The following GPBP1 variants were observed in gnomAD, a reference collection of about 807,000 sequenced individuals.
The protein encoded by GPBP1 is vasculin.
Under a neutral mutation model 56.5 loss-of-function variants are expected in GPBP1, and 13 were observed. That is an observed-to-expected ratio of 0.23 (90% CI 0.15 to 0.37). The LOEUF is 0.37. Ranked by LOEUF, GPBP1 falls within the 10% of genes least tolerant of loss-of-function variation. The pLI, the probability that GPBP1 is intolerant of heterozygous loss-of-function variation, is 1.00. For missense variants in GPBP1, 477 were observed against 572.3 expected (o/e 0.83, Z 1.70); for synonymous variants, 204 against 188.9 (o/e 1.08, Z -0.66).
chr5:57,229,941 GCGTCCCGTCCCGTCC>G (rs112231997), intron 3 of GPBP1, among the ~76,000 whole-genome samples: 74 of 146,182 alleles, frequency 5.1e-4, no homozygotes, highest in African/African-American at 1.6e-3. Flanking sequence ...GCATCGCATC[GCGTCCCGTCCCGTCC>G]CGTCCCGTCC....
chr5:57,232,212 T>C (rs1160339303), intron 5 of GPBP1, among the ~76,000 whole-genome samples: 3 of 152,146 alleles, frequency 2.0e-5, no homozygotes, highest in Non-Finnish European at 4.4e-5. Context: ...GGTCTTGAAC[T>C]TCTGGCCTCA....
rs1338279704 is a variant in GPBP1 at position 57,247,082 on chromosome 5, A to C, written c.671A>C (p.Gln224Pro). 1 of 1,612,620 alleles carries C rather than the reference A, an allele frequency of 6.2e-7. No homozygotes were observed. The highest frequency in any genetic ancestry group is 1.3e-5 in the African/African-American group (1 of 74,812). Reference sequence around the variant, plus strand: ...TTGTGTGTTTTTCTTTAGCCTACACAATGGAAAAGCCAAACAAAAGAAAAT... The same window carrying C: ...TTGTGTGTTTTTCTTTAGCCTACACCATGGAAAAGCCAAACAAAAGAAAAT... ...KPAAPPTKPT[Q>P]WKSQTKENKV... Residue 224 changes from glutamine to proline, a missense_variant, in exon 8 of 12, where the codon CAA (glutamine) becomes CCA (proline). Around this residue, in one of 2 missense-constraint regions of GPBP1, gnomAD observed 414 missense variants for 458.2 expected, o/e 0.90. Transcript: ENST00000506184.
At chr5:57,190,539 A>G (rs1237161572) in intron 2 of GPBP1, among the ~76,000 whole-genome samples, 1 of 151,362 alleles carries the variant, frequency 6.6e-6, no homozygotes, top group African/African-American at 2.4e-5. Context: ...AGCTGAGATC[A>G]CGCCACTGCA....
At chr5:57,222,078 T>TA (rs1292098672) in intron 3 of GPBP1, among the ~76,000 whole-genome samples, 1 of 152,142 alleles carries the variant, frequency 6.6e-6, no homozygotes, top group East Asian at 1.9e-4. Context: ...AGGGTCTCAC[T>TA]ATGTTGCCCA....
At chr5:57,179,888 G>A (rs973024430) in intron 2 of GPBP1, among the ~76,000 whole-genome samples, 1 of 151,764 alleles carries the variant, frequency 6.6e-6, no homozygotes, top group Admixed American at 6.6e-5. Context: ...AGAGCCACTG[G>A]GCCCGGCCCC....
rs532683248 is a variant in GPBP1 at position 57,211,979 on chromosome 5, C to T, written c.-57-2095C>T. Among the ~76,000 whole-genome samples the T allele has an allele frequency of 7.9e-5, 12 of 151,970 alleles. No homozygotes were observed. In the East Asian group the frequency reaches 1.9e-3, roughly 24 times the overall value. On this transcript the variant is annotated intron_variant, in intron 2 of 11. Coordinates refer to ENST00000506184, the MANE Select transcript of GPBP1 (RefSeq NM_022913.4). Reference sequence around the variant, plus strand: ...TGAGACAGAGTCTTCCTCTGTCATCCAGGCTAGAGGGCAGTGGCGCGATCT... The same window carrying T: ...TGAGACAGAGTCTTCCTCTGTCATCTAGGCTAGAGGGCAGTGGCGCGATCT...
rs187368411 is a variant in GPBP1, at chr5:57,255,014, A to G, written c.1160+3873A>G. Among the ~76,000 whole-genome samples the G allele has an allele frequency of 5.8e-3, 880 of 152,360 alleles. 3 individuals are homozygous for G. Among genetic ancestry groups the G allele is most frequent in the Non-Finnish European group, 8.2e-3 (557 of 68,032 alleles). On this transcript the variant is annotated intron_variant, in intron 10 of 11. Coordinates refer to ENST00000506184, the MANE Select transcript of GPBP1 (RefSeq NM_022913.4). The stretch of plus-strand genomic sequence containing the variant: ...CAAATACAGAAAAAATTTAGCAAAC[A>G]TGAATTCTTTTTTAAAAAGATTAAC...
At chr5:57,243,172 G>T (rs1740914737) in intron 6 of GPBP1, among the ~76,000 whole-genome samples, 1 of 151,004 alleles carries the variant, frequency 6.6e-6, no homozygotes, top group African/African-American at 2.4e-5. Context: ...GGTTCAAGCA[G>T]TTCTCTGCCT....
chr5:57,210,550 G>A (rs533278013), intron 2 of GPBP1, among the ~76,000 whole-genome samples: 1 of 152,276 alleles, frequency 6.6e-6, no homozygotes, highest in Admixed American at 6.5e-5. Context: ...TTTTGAGGGG[G>A]AGGGTAGTTG....
chr5:57,177,856 T>C (rs1237218538), intron 2 of GPBP1, among the ~76,000 whole-genome samples: 6 of 151,974 alleles, frequency 3.9e-5, no homozygotes, highest in Non-Finnish European at 8.8e-5. Flanking sequence ...AACTTGTCAG[T>C]TGCTTATTTT....
chr5:57,243,734 C>T (rs1251630828), intron 6 of GPBP1, among the ~76,000 whole-genome samples: 2 of 151,700 alleles, frequency 1.3e-5, no homozygotes, highest in East Asian at 3.9e-4. Context: ...GTGGCCCAGA[C>T]TGGAGTACAG....
At chr5:57,213,471 CT>C (rs138933215) in intron 2 of GPBP1, among the ~76,000 whole-genome samples, 8,061 of 144,642 alleles carry the variant, frequency 0.056, 255 homozygotes, top group African/African-American at 0.086. Flanking sequence ...TCATAATTTT[CT>C]TTTTTTTTTT....
At chr5:57,218,287 A>G (rs1342680628) in intron 3 of GPBP1, among the ~76,000 whole-genome samples, 3 of 152,184 alleles carry the variant, frequency 2.0e-5, no homozygotes, top group Non-Finnish European at 4.4e-5. Context: ...TCAGATGCCA[A>G]TAGCCAGTCC....
intron 2 of GPBP1, among the ~76,000 whole-genome samples, chr5:57,205,349 T>C (rs1231278683): frequency 6.6e-6 from 1 of 152,214 alleles, no homozygotes; most frequent in Non-Finnish European, 1.5e-5. Context: ...GTTTCTACCT[T>C]TTGGCTACTG....
chr5:57,231,359 G>T lies in GPBP1; in HGVS notation c.411+38G>T, dbSNP rs369508039. The T allele has an allele frequency of 1.1e-5, 17 of 1,522,610 alleles. No homozygotes were observed. In the African/African-American group the frequency reaches 2.4e-4, roughly 21 times the overall value. The allele number at this position is 1,522,610 out of a possible 1,614,324, so 94.3% of individuals were successfully genotyped here. A position where few individuals can be genotyped will look rare whatever the true frequency, so the allele number is the denominator to read the frequency against. ...TGACTTTTATACAAATGAAGTTTCT[G>T]TAAGTGCTATTTTAAGTGATTCTCC... On this transcript the variant is annotated intron_variant, in intron 5 of 11. Coordinates refer to ENST00000506184, the MANE Select transcript of GPBP1 (RefSeq NM_022913.4).
In GPBP1 at chr5:57,231,042, C is replaced by A. The variant is rs1262989100; in HGVS notation, c.188-56C>A. On this transcript the variant is annotated intron_variant, in intron 4 of 11. Coordinates refer to ENST00000506184, the MANE Select transcript of GPBP1 (RefSeq NM_022913.4). Reference sequence around the variant, plus strand: ...TTTTAAAGAATGTTTTGATGTGATTCAATCTTTAAGCTTCTCTTCTTTGAA... The same window carrying A: ...TTTTAAAGAATGTTTTGATGTGATTAAATCTTTAAGCTTCTCTTCTTTGAA... 2.5e-6 allele frequency: 4 copies of A among 1,583,112 alleles called. No homozygotes were observed. In the African/African-American group the frequency reaches 4.1e-5, roughly 16 times the overall value.
In GPBP1 at chr5:57,236,040, A is replaced by AT. The variant is rs576003241; in HGVS notation, c.478+14dup. ...TAGCTGCAGGTGTGTGGGGTAAGTA[A>AT]TTTTTTATCTATATTTGAGGGGCAC... On this transcript the variant is annotated intron_variant, in intron 6 of 11. Transcript: ENST00000506184. The AT allele has an allele frequency of 8.0e-5, 127 of 1,579,220 alleles. No homozygotes were observed. The highest frequency in any genetic ancestry group is 1.1e-4 in the East Asian group (5 of 44,602).
In GPBP1 at chr5:57,247,208, T is replaced by G. The variant is rs773755828; in HGVS notation, c.797T>G (p.Val266Gly). The part of the protein sequence containing the change: ...AKNFSPSTNS[V>G]KECNRSNSSS... ...AACTTTAGTCCATCTACAAATTCAG[T>G]GAAAGAGGTATGACATTAAAAATCA... Residue 266 changes from valine (V) to glycine (G), a missense_variant, in exon 8 of 12, where the codon GTG becomes GGG. By Grantham distance (109) the Val-to-Gly change is moderately radical (BLOSUM62 -3). Around this residue, in one of 2 missense-constraint regions of GPBP1, gnomAD observed 414 missense variants for 458.2 expected, o/e 0.90. Transcript: ENST00000506184. 30 of 1,611,892 alleles carry G rather than the reference T, an allele frequency of 1.9e-5. No individual in the cohort carries two copies. The Admixed American group carries it at 5.0e-4, about 27-fold the overall frequency.
intron 3 of GPBP1, among the ~76,000 whole-genome samples, chr5:57,215,264 C>T (rs1755653596): frequency 6.6e-6 from 1 of 152,174 alleles, no homozygotes; most frequent in Admixed American, 6.5e-5. Context: ...CCCTGCTGTA[C>T]TCATTTTAAA....
Sources: allele counts gnomAD v4.1 joint callset (sites outside exome capture counted in the v4.1 genomes callset), GRCh38; gene constraint gnomAD v4.1.1; regional missense constraint gnomAD v4.1.1; transcripts MANE v1.5; gene names NCBI Gene and HGNC (gene_info 2026-07-23, HGNC 2026-07-21).